Variants in CPZ observed in about 807,000 individuals in gnomAD.
CPZ encodes the protein VEZT/CPZ fusion.
Under a neutral mutation model 61.8 loss-of-function variants are expected in CPZ, and 103 were observed. The ratio of observed to expected loss-of-function variants is 1.67; its 90% CI spans 1.42 to 1.96. CPZ has a LOEUF of 1.96. Ranked by LOEUF, CPZ falls within the 30% of genes most tolerant of loss-of-function variation. The probability of loss-of-function intolerance (pLI) is 0.00; values close to 1 mark genes in which losing one functional copy is unlikely to be tolerated. For synonymous variants in CPZ, 551 were observed against 373.7 expected, an observed-to-expected ratio of 1.47 and a Z score of -5.47; for missense variants, 1,461 against 914.9, an observed-to-expected ratio of 1.60 and a Z score of -7.70.
In CPZ at chr4:8,614,369, T is replaced by C. The variant is rs1131140; in HGVS notation, c.1374T>C (p.Asp458=). ...GTCTCTGTGCCACAGGCATGTCCGATTTCAACTACCTGCACACCAACTGCT... is the reference window on the plus strand; with the variant it reads ...GTCTCTGTGCCACAGGCATGTCCGACTTCAACTACCTGCACACCAACTGCT... ...DWYSFTGGMS[D]FNYLHTNCFE... The change falls in exon 9 of 11, where the codon GAT becomes GAC. Residue 458 remains aspartate (D), a synonymous_variant. Transcript: ENST00000360986. The C allele has an allele frequency of 0.54, 853,630 of 1,582,128 alleles. 240,669 individuals carry two copies. The highest frequency in any genetic ancestry group is 0.88 in the East Asian group (39,245 of 44,718).
intron 3 of CPZ, 40 bp downstream of exon 3, chr4:8,601,537 C>T: frequency 7.0e-7 from 1 of 1,429,062 alleles, no homozygotes; most frequent in Non-Finnish European, 9.2e-7. Flanking sequence ...TCATGGGGTC[C>T]AGGTGGTCAA....
intron 6 of CPZ, 119 bp downstream of exon 6, chr4:8,607,017 C>T: frequency 1.7e-6 from 2 of 1,205,854 alleles, no homozygotes; most frequent in Non-Finnish European, 2.3e-6. Flanking sequence ...TCCCTCCCTG[C>T]CTCAGTTACC....
intron 2 of CPZ, among the ~76,000 whole-genome samples, chr4:8,600,354 A>G (rs1235350074): frequency 1.3e-5 from 2 of 152,212 alleles, no homozygotes; most frequent in African/African-American, 2.4e-5. Flanking sequence ...ACGTGGCAAA[A>G]TGTCATGACT....
At chr4:8,603,953 G>T in intron 3 of CPZ, 23 bp from the exon 4 acceptor site, 1 of 1,605,978 alleles carries the variant, frequency 6.2e-7, no homozygotes, top group South Asian at 1.1e-5. Context: ...GACACTGACT[G>T]AGCCCCCCCA....
intron 4 of CPZ, among the ~76,000 whole-genome samples, chr4:8,605,322 T>TCATTCATCCATCCATCCATC (rs1553876716): frequency 1.3e-5 from 2 of 149,978 alleles, no homozygotes; most frequent in East Asian, 2.0e-4. Context: ...ATTCATTTAT[T>TCATTCATCCATCCATCCATC]CATCCATCCA....
chr4:8,601,032 G>A, intron 2 of CPZ, 91 bp from the exon 3 acceptor site: 1 of 1,463,384 alleles, frequency 6.8e-7, no homozygotes, highest in South Asian at 1.5e-5. Context: ...TGCAGGCCCT[G>A]GCCCTGCGTG....
chr4:8,598,570 T>G (rs926468485), intron 1 of CPZ, among the ~76,000 whole-genome samples: 2 of 152,352 alleles, frequency 1.3e-5, no homozygotes, highest in East Asian at 3.9e-4. Context: ...TTCTCCGGGT[T>G]CCTGCTGCTC....
At position 8,614,335 on chromosome 4, in the gene CPZ, G is replaced by A. The variant is rs772405826; in HGVS notation, c.1364-24G>A. ...TCTCTGTGCGGCTGACACCCCTGAC[G>A]TCCCCGCTGTCTCTGTGCCACAGGC... is the stretch of plus-strand genomic sequence containing the variant. On this transcript the variant is annotated intron_variant, in intron 8 of 10. Coordinates refer to ENST00000360986, the MANE Select transcript of CPZ (RefSeq NM_001014447.3). 8.7e-6 allele frequency: 14 copies of A among 1,602,094 alleles called. 1 individual carries two copies. Among genetic ancestry groups the A allele is most frequent in the East Asian group, 2.2e-5 (1 of 44,776 alleles).
intron 1 of CPZ, among the ~76,000 whole-genome samples, chr4:8,594,836 A>C (rs1714059818): frequency 6.6e-6 from 1 of 151,434 alleles, no homozygotes; most frequent in South Asian, 2.1e-4. Context: ...GCAGTTGCGC[A>C]ATCTCAGCTC....
At position 8,616,225 on chromosome 4, in the gene CPZ, C is replaced by CT. The variant is rs552656603; in HGVS notation, c.1503+1733dup. Among the ~76,000 whole-genome samples the CT allele has an allele frequency of 1.1e-4, 17 of 152,290 alleles. No individual in the cohort carries two copies. The East Asian group carries it at 2.9e-3, about 26-fold the overall frequency. On this transcript the variant is annotated intron_variant, in intron 9 of 10. Coordinates refer to ENST00000360986, the MANE Select transcript of CPZ (RefSeq NM_001014447.3). ...TCAAGCCTGTCGTGGCCAATTGAGG[C>CT]TTTTTTCAAAGTGATCCTGGCCAGG...
intron 7 of CPZ, among the ~76,000 whole-genome samples, chr4:8,610,829 T>G (rs373548371): frequency 6.6e-6 from 1 of 152,116 alleles, no homozygotes; most frequent in Non-Finnish European, 1.5e-5. Flanking sequence ...TTGGTTTGTG[T>G]CTGTGGGACT....
intron 7 of CPZ, among the ~76,000 whole-genome samples, chr4:8,609,801 T>C (rs11736030): frequency 0.4 from 60,593 of 152,090 alleles, 13,114 homozygotes; most frequent in Admixed American, 0.55. Flanking sequence ...CGGGCAGTGA[T>C]CATGCAGCCC....
intron 2 of CPZ, chr4:8,599,816 C>G: frequency 2.9e-6 from 1 of 345,432 alleles, no homozygotes. Context: ...GTCACTGGCT[C>G]TGTGCCGGGC....
At chr4:8,600,817 TG>T in intron 2 of CPZ, 1 of 641,492 alleles carries the variant, frequency 1.6e-6, no homozygotes, top group Non-Finnish European at 2.1e-6. Flanking sequence ...CAGCATCAGC[TG>T]GCTGCCTTCA....
At chr4:8,598,511 C>T (rs889180960) in intron 1 of CPZ, among the ~76,000 whole-genome samples, 2 of 152,238 alleles carry the variant, frequency 1.3e-5, no homozygotes, top group African/African-American at 4.8e-5. Flanking sequence ...CCCCTTCTCC[C>T]TGGCCCCCTG....
chr4:8,596,485 C>G (rs1714193212), intron 1 of CPZ, among the ~76,000 whole-genome samples: 1 of 152,372 alleles, frequency 6.6e-6, no homozygotes, highest in Middle Eastern at 3.4e-3. Flanking sequence ...CTTCCTGCCC[C>G]TTGGGAAACC....
intron 7 of CPZ, among the ~76,000 whole-genome samples, chr4:8,610,944 G>A (rs747161809): frequency 1.3e-4 from 20 of 152,176 alleles, no homozygotes; most frequent in Non-Finnish European, 2.6e-4. Context: ...ACCAGGGAGA[G>A]ATCTTCACTC....
chr4:8,601,558 G>A lies in CPZ; in HGVS notation c.496+61G>A, dbSNP rs1714577688. On this transcript the variant is annotated intron_variant, in intron 3 of 10. Coordinates refer to ENST00000360986, the MANE Select transcript of CPZ (RefSeq NM_001014447.3). ...GGTCCAGGTGGTCAAGGAGGACCAA[G>A]AGCCACACTGGAAGGAACTTGAGGG... The A allele has an allele frequency of 1.1e-5, 15 of 1,404,116 alleles. No homozygotes were observed. In the South Asian group the frequency reaches 2.2e-4, roughly 21 times the overall value. The allele number at this position is 1,404,116 out of a possible 1,614,324, so 87.0% of individuals were successfully genotyped here.
chr4:8,599,010 T>C (rs1429721533), intron 1 of CPZ, among the ~76,000 whole-genome samples: 1 of 152,190 alleles, frequency 6.6e-6, no homozygotes, highest in Non-Finnish European at 1.5e-5. Flanking sequence ...TGGTGAGGGC[T>C]CCGGGGGCTG....
Sources: allele counts gnomAD v4.1 joint callset (sites outside exome capture counted in the v4.1 genomes callset), GRCh38; gene constraint gnomAD v4.1.1; transcripts MANE v1.5; gene names NCBI Gene and HGNC (gene_info 2026-07-23, HGNC 2026-07-21).